TET1: variants seen among roughly 807,000 people sequenced by gnomAD.
The protein encoded by TET1 is tet methylcytosine dioxygenase 1.
A neutral mutation model predicts 148.7 loss-of-function variants in TET1; 13 were observed. That is an observed-to-expected ratio of 0.09 (90% CI 0.06 to 0.14). TET1 has a LOEUF of 0.14. TET1 is among the 10% of genes least tolerant of loss of function. TET1 has a pLI of 1.00. For synonymous variants in TET1, 907 were observed against 937.2 expected (o/e 0.97, Z 0.59); for missense variants, 2,182 against 2,553.8 (o/e 0.85, Z 3.14).
At chr10:68,682,093 C>CTTTTTTTTTTTTTTTTT in intron 9 of TET1, among the ~76,000 whole-genome samples, 1 of 67,052 alleles carries the variant, frequency 1.5e-5, no homozygotes, top group Non-Finnish European at 2.5e-5. Flanking sequence ...TTGATCTACT[C>CTTTTTTTTTTTTTTTTT]TTTTTTTTTT....
In TET1 at chr10:68,645,457, C is replaced by G; in HGVS notation, c.2728C>G (p.Pro910Ala). Residue 910 changes from proline to alanine, a missense_variant, in exon 4 of 12, where the codon CCA (proline) becomes GCA (alanine). Around this residue, in one of 11 missense-constraint regions of TET1, gnomAD observed 582 missense variants for 599.5 expected, o/e 0.97. Transcript: ENST00000373644. ...AGAAGCCCCATCAGAGAATTCCTCC[C>G]CATCAAAGTCAGAGAAGGATGAGGA... is the stretch of plus-strand genomic sequence containing the variant. ...LSEAPSENSS[P>A]SKSEKDEESE... 1 of 1,613,840 alleles carries G rather than the reference C, an allele frequency of 6.2e-7. No individual in the cohort carries two copies. Among genetic ancestry groups the G allele is most frequent in the Non-Finnish European group, 8.5e-7 (1 of 1,180,034 alleles).
At chr10:68,614,956 G>A (rs1486921363) in intron 3 of TET1, among the ~76,000 whole-genome samples, 1 of 144,332 alleles carries the variant, frequency 6.9e-6, no homozygotes, top group African/African-American at 2.6e-5. Context: ...TTTTTTTTTT[G>A]AGTTTTACTT....
chr10:68,646,058 G>A lies in TET1; in HGVS notation c.3329G>A (p.Cys1110Tyr). 1 of 1,614,064 alleles carries A rather than the reference G, an allele frequency of 6.2e-7. No individual in the cohort carries two copies. The highest frequency in any genetic ancestry group is 8.5e-7 in the Non-Finnish European group (1 of 1,180,026). ...VESTPTSLVT[C>Y]NVQQKYNQEK... is the part of the protein sequence containing the mutation. ...AGTACACCAACAAGCCTTGTCACAT[G>A]TAATGTACAGCAAAAATACAATCAG... is the stretch of plus-strand genomic sequence containing the variant. Residue 1110 changes from cysteine (C) to tyrosine (Y), a missense_variant, in exon 4 of 12, where the codon TGT (cysteine) becomes TAT (tyrosine). Physicochemically the swap from Cys to Tyr is radical, Grantham distance 194. This residue lies in a region of TET1 where 582 missense variants were observed against 599.5 expected (regional missense o/e 0.97). Coordinates refer to ENST00000373644, the MANE Select transcript of TET1 (RefSeq NM_030625.3).
intron 3 of TET1, among the ~76,000 whole-genome samples, chr10:68,624,694 C>CTCTCTCTCTCTCTCTCTCTT (rs768656277): frequency 2.1e-5 from 2 of 95,870 alleles, no homozygotes; most frequent in Non-Finnish European, 2.1e-5. Context: ...CTCTCTCTCT[C>CTCTCTCTCTCTCTCTCTCTT]TCTTTCTTTC....
intron 3 of TET1, among the ~76,000 whole-genome samples, chr10:68,621,338 G>A (rs1295881686): frequency 6.6e-6 from 1 of 152,054 alleles, no homozygotes; most frequent in African/African-American, 2.4e-5. Flanking sequence ...CACCTCTTGG[G>A]TTCAAGTGGT....
At chr10:68,676,442 G>A (rs1378566867) in intron 8 of TET1, among the ~76,000 whole-genome samples, 1 of 150,576 alleles carries the variant, frequency 6.6e-6, no homozygotes, top group African/African-American at 2.4e-5. Flanking sequence ...CACCACCACA[G>A]CCGGCTAATT....
chr10:68,688,670 C>T (rs1431490424), intron 11 of TET1, among the ~76,000 whole-genome samples: 1 of 151,796 alleles, frequency 6.6e-6, no homozygotes, highest in Non-Finnish European at 1.5e-5. Context: ...GATCTCCTGA[C>T]CTCGTGATCT....
intron 4 of TET1, among the ~76,000 whole-genome samples, chr10:68,647,685 A>G (rs997702904): frequency 7.9e-5 from 12 of 152,192 alleles, no homozygotes; most frequent in African/African-American, 2.9e-4. Flanking sequence ...ATTTCAACTT[A>G]CAAGCCTTTC....
rs117210109 is a variant in TET1, at chr10:68,642,582, T to C, written c.1969-2116T>C. Among the ~76,000 whole-genome samples the C allele has an allele frequency of 3.1e-3, 478 of 152,238 alleles. 12 individuals carry two copies. The East Asian group carries it at 0.056, about 18-fold the overall frequency. ...ATGTTGTACAACAGTACAAATAAAC[T>C]AAAAACCACTGAATTGTACACTTTT... On this transcript the variant is annotated intron_variant, in intron 3 of 11. Transcript: ENST00000373644.
chr10:68,622,405 C>T (rs745553642), intron 3 of TET1, among the ~76,000 whole-genome samples: 3 of 152,046 alleles, frequency 2.0e-5, no homozygotes, highest in Non-Finnish European at 4.4e-5. Context: ...GCTGGGATTG[C>T]AGGTGTCTGA....
At chr10:68,584,041 T>C (rs1169945621) in intron 2 of TET1, among the ~76,000 whole-genome samples, 3 of 152,122 alleles carry the variant, frequency 2.0e-5, no homozygotes, top group Non-Finnish European at 4.4e-5. Context: ...AAATATCTTT[T>C]TTTTTTTTTA....
chr10:68,624,640 C>CT (rs1300599616), intron 3 of TET1, among the ~76,000 whole-genome samples: 2 of 47,948 alleles, frequency 4.2e-5, no homozygotes, highest in African/African-American at 2.8e-4. Context: ...TTCTTTCTTT[C>CT]TTTCTTTCTT....
chr10:68,652,611 T>C lies in TET1; in HGVS notation c.4461+17T>C. On this transcript the variant is annotated intron_variant, in intron 6 of 11. Coordinates refer to ENST00000373644, the MANE Select transcript of TET1 (RefSeq NM_030625.3). ...GCTAAGTGGGTAAGTATTTCCTATT[T>C]ATACATTTTTTTGAAGCTTGTTATT... 1 of 1,573,714 alleles carries C rather than the reference T, an allele frequency of 6.4e-7. No homozygotes were observed. The highest frequency in any genetic ancestry group is 8.7e-7 in the Non-Finnish European group (1 of 1,149,852).
chr10:68,597,477 C>T (rs2054002331), intron 2 of TET1, among the ~76,000 whole-genome samples: 1 of 152,112 alleles, frequency 6.6e-6, no homozygotes, highest in African/African-American at 2.4e-5. Flanking sequence ...AACTGAAATG[C>T]AAGGCACTTC....
chr10:68,683,053 A>G, intron 10 of TET1, 80 bp downstream of exon 10: 2 of 1,446,150 alleles, frequency 1.4e-6, no homozygotes, highest in Non-Finnish European at 1.9e-6. Flanking sequence ...TACTGTGATG[A>G]CTATTACTGT....
chr10:68,574,158 C>T lies in TET1; in HGVS notation c.1820C>T (p.Thr607Ile), dbSNP rs751851682. ...CQQKTNCGEC[T>I]YCKNRKNSHQ... Reference sequence around the variant, plus strand: ...CAGAAGACCAACTGTGGTGAATGCACTTACTGCAAGAACAGAAAGAACAGC... The same window carrying T: ...CAGAAGACCAACTGTGGTGAATGCATTTACTGCAAGAACAGAAAGAACAGC... The change falls in exon 2 of 12, where the codon ACT becomes ATT. Residue 607 changes from threonine to isoleucine, a missense_variant. By Grantham distance (89) the Thr-to-Ile change is moderately conservative. Coordinates refer to ENST00000373644, the MANE Select transcript of TET1 (RefSeq NM_030625.3). 6.2e-7 allele frequency: 1 copy of T among 1,613,878 alleles called. No individual in the cohort carries two copies. Among genetic ancestry groups the T allele is most frequent in the South Asian group, 1.1e-5 (1 of 91,080 alleles).
rs746280017 is a variant in TET1, at chr10:68,651,875, T to C, written c.4306T>C (p.Tyr1436His). 1 of 1,613,678 alleles carries C rather than the reference T, an allele frequency of 6.2e-7. No homozygotes were observed. The highest frequency in any genetic ancestry group is 8.5e-7 in the Non-Finnish European group (1 of 1,179,910). Reference protein sequence around the residue: ...DRVIQKDKGPYYTHLGAGPSV... With the variant: ...DRVIQKDKGPHYTHLGAGPSV... ...AGTTATACAAAAAGACAAAGGCCCATATTATACACACCTTGGGGCAGGACC... is the reference window on the plus strand; with the variant it reads ...AGTTATACAAAAAGACAAAGGCCCACATTATACACACCTTGGGGCAGGACC... Residue 1436 changes from tyrosine to histidine, a missense_variant, in exon 5 of 12, where the codon TAT (tyrosine) becomes CAT (histidine). Tyr to His is a moderately conservative substitution (Grantham distance 83). Around this residue, in one of 11 missense-constraint regions of TET1, gnomAD observed 169 missense variants for 263.7 expected, o/e 0.64. Transcript: ENST00000373644.
intron 11 of TET1, among the ~76,000 whole-genome samples, chr10:68,690,124 G>C (rs2055569954): frequency 6.6e-6 from 1 of 152,086 alleles, no homozygotes; most frequent in African/African-American, 2.4e-5. Flanking sequence ...AAATATCTTT[G>C]AATAGTTAAA....
chr10:68,601,644 T>C (rs1564961835), intron 3 of TET1, among the ~76,000 whole-genome samples: 1 of 152,212 alleles, frequency 6.6e-6, no homozygotes, highest in Non-Finnish European at 1.5e-5. Flanking sequence ...AATTCAGTTA[T>C]AAGCTCACAG....
Sources: gnomAD v4.1 joint callset for allele counts (sites outside exome capture counted in the v4.1 genomes callset) on GRCh38, gnomAD v4.1.1 for gene constraint, gnomAD v4.1.1 regional missense constraint, MANE v1.5 for transcripts, NCBI Gene and HGNC (gene_info 2026-07-23, HGNC 2026-07-21) for gene names.